HERC4: variants seen among roughly 807,000 people sequenced by gnomAD.
HERC4 encodes the protein HECT and RLD domain containing E3 ubiquitin protein ligase 4, also known as probable E3 ubiquitin-protein ligase HERC4.
Under a neutral mutation model 124.3 loss-of-function variants are expected in HERC4, and 28 were observed. The ratio of observed to expected loss-of-function variants is 0.23; its 90% confidence interval spans 0.17 to 0.31. HERC4 has a LOEUF of 0.31. Among genes scored for constraint, HERC4 ranks in the 10% least tolerant of loss-of-function variants. The pLI is 1.00. For missense variants in HERC4, 713 were observed against 1,229.3 expected, an observed-to-expected ratio of 0.58 and a Z score of 6.28; for synonymous variants, 407 against 421.5, an observed-to-expected ratio of 0.97 and a Z score of 0.42.
intron 9 of HERC4, chr10:67,994,099 T>G (rs543148117): frequency 2.0e-5 from 3 of 152,306 alleles, no homozygotes; most frequent in East Asian, 3.9e-4. Context: ...AACAATAATT[T>G]GATAATTACT....
At chr10:68,000,576 C>CA (rs34603437) in intron 9 of HERC4, among the ~76,000 whole-genome samples, 68,553 of 137,964 alleles carry the variant, frequency 0.5, 19,369 homozygotes, top group Non-Finnish European at 0.66. Flanking sequence ...CAGACTGTCT[C>CA]AAAAAAAAAA....
At chr10:67,975,630 G>T (rs1363235793) in intron 15 of HERC4, among the ~76,000 whole-genome samples, 2 of 152,116 alleles carry the variant, frequency 1.3e-5, no homozygotes, top group Non-Finnish European at 2.9e-5. Flanking sequence ...GATTACAGGC[G>T]TGAGCCACCA....
In HERC4 at chr10:68,009,622, G is replaced by C. The variant is rs190288040; in HGVS notation, c.1069+4404C>G. 1.6e-4 allele frequency among the ~76,000 whole-genome samples: 24 copies of C among 152,116 alleles called. 1 individual carries two copies. Among genetic ancestry groups the C allele is most frequent in the African/African-American group, 5.8e-4 (24 of 41,422 alleles). ...TCAGGGTGGTAATTGCTGAAGGCTG[G>C]GGTAGCTGTGGCAATTTCTTAAAAT... On this transcript the variant is annotated intron_variant, in intron 9 of 24. Transcript: ENST00000373700.
chr10:67,967,933 C>A (rs2034989034), intron 15 of HERC4, among the ~76,000 whole-genome samples: 1 of 151,132 alleles, frequency 6.6e-6, no homozygotes, highest in South Asian at 2.1e-4. Context: ...AGGAGCTATT[C>A]TAAATTAAAA....
At chr10:68,054,429 C>T (rs888029044) in intron 3 of HERC4, among the ~76,000 whole-genome samples, 16 of 151,098 alleles carry the variant, frequency 1.1e-4, no homozygotes, top group African/African-American at 2.7e-4. Flanking sequence ...TCTCAGCTCA[C>T]GGCAACCTCC....
At chr10:68,010,682 C>G in intron 9 of HERC4, 4 of 1,476,372 alleles carry the variant, frequency 2.7e-6, no homozygotes, top group Admixed American at 1.9e-5. Flanking sequence ...AGGGCCGCGC[C>G]GCTTACACAT....
At position 68,055,482 on chromosome 10, in the gene HERC4, T is replaced by A. The variant is rs78162501; in HGVS notation, c.227-10919A>T. On this transcript the variant is annotated intron_variant, in intron 3 of 24. Transcript: ENST00000373700. ...TATGTTGACAAGTTCATACCCCTTT[T>A]ATATATTTATACAGAGGAATACAAT... Among the ~76,000 whole-genome samples, 26 of 152,272 alleles carry A rather than the reference T, an allele frequency of 1.7e-4. No individual in the cohort carries two copies. In the East Asian group the frequency reaches 5.0e-3, roughly 29 times the overall value.
At chr10:67,968,100 T>A (rs965305858) in intron 15 of HERC4, among the ~76,000 whole-genome samples, 1 of 152,012 alleles carries the variant, frequency 6.6e-6, no homozygotes, top group Non-Finnish European at 1.5e-5. Flanking sequence ...GAAACAGGAA[T>A]GGACACAAGT....
chr10:67,926,414 A>G (rs921666412), intron 23 of HERC4, among the ~76,000 whole-genome samples: 2 of 148,430 alleles, frequency 1.3e-5, no homozygotes, highest in African/African-American at 5.0e-5. Context: ...AAAAATAAAA[A>G]ATAAAAAAAA....
At chr10:67,980,663 C>T (rs532857796) in intron 15 of HERC4, among the ~76,000 whole-genome samples, 3 of 152,168 alleles carry the variant, frequency 2.0e-5, no homozygotes, top group Non-Finnish European at 4.4e-5. Flanking sequence ...AGACTATAAA[C>T]AATTAACCAA....
Position 68,014,177 on chromosome 10 carries a change from A to C in HERC4, c.918T>G (p.Thr306=). ...GTCCTGATGAAGGAACAAAAGCAGA[A>C]GTGTGCTGCCTAGAGTAAAATGATA... ...VTEIACGRQH[T]SAFVPSSGRI... is the part of the protein sequence containing the mutation. The change falls in exon 9 of 25, where the codon ACT becomes ACG. Residue 306 remains threonine, a synonymous_variant. Transcript: ENST00000373700. 6.2e-7 allele frequency: 1 copy of C among 1,609,748 alleles called. No homozygotes were observed. Among genetic ancestry groups the C allele is most frequent in the Non-Finnish European group, 8.5e-7 (1 of 1,178,216 alleles).
At chr10:67,992,115 T>TC (rs1246255441) in intron 11 of HERC4, 84 bp downstream of exon 11, 29 of 1,344,052 alleles carry the variant, frequency 2.2e-5, no homozygotes, top group Non-Finnish European at 2.8e-5. Flanking sequence ...CAGGCTGGTC[T>TC]CCAATTCCTG....
intron 16 of HERC4, among the ~76,000 whole-genome samples, chr10:67,957,307 GA>G (rs1263716774): frequency 2.7e-4 from 41 of 152,238 alleles, no homozygotes; most frequent in African/African-American, 8.2e-4. Flanking sequence ...TGTTAAATGC[GA>G]TAGCCAATTC....
In HERC4 at chr10:67,957,812, A is replaced by AT. The variant is rs533406466; in HGVS notation, c.1927-837dup. Among the ~76,000 whole-genome samples the AT allele has an allele frequency of 1.1e-4, 16 of 151,398 alleles. No homozygotes were observed. The East Asian group carries it at 1.7e-3, about 17-fold the overall frequency. ...ACAGTTCTTTATAGTCTGAATCTGCATTTTTTTTTCCCCCATACAGAGTCT... is the reference window on the plus strand; with the variant it reads ...ACAGTTCTTTATAGTCTGAATCTGCATTTTTTTTTTCCCCCATACAGAGTCT... On this transcript the variant is annotated intron_variant, in intron 16 of 24. Coordinates refer to ENST00000373700, the MANE Select transcript of HERC4 (RefSeq NM_015601.4).
At chr10:68,033,543 T>G (rs1327043235) in intron 6 of HERC4, among the ~76,000 whole-genome samples, 2 of 152,212 alleles carry the variant, frequency 1.3e-5, no homozygotes, top group Non-Finnish European at 2.9e-5. Context: ...GACTTTAGCA[T>G]CAATGTTAAA....
chr10:67,981,396 T>C (rs928142177), intron 15 of HERC4, among the ~76,000 whole-genome samples: 4 of 152,114 alleles, frequency 2.6e-5, no homozygotes, highest in Non-Finnish European at 5.9e-5. Flanking sequence ...CAAATATTAT[T>C]AGAGTTAAAG....
intron 3 of HERC4, among the ~76,000 whole-genome samples, chr10:68,056,942 G>A (rs2040578982): frequency 6.6e-6 from 1 of 152,130 alleles, no homozygotes; most frequent in Non-Finnish European, 1.5e-5. Flanking sequence ...GTGAATTTAA[G>A]GTCTGAACCC....
intron 9 of HERC4, chr10:67,996,205 G>A (rs866816796): frequency 7.2e-6 from 3 of 418,384 alleles, no homozygotes; most frequent in Non-Finnish European, 9.5e-6. Flanking sequence ...CCAAGAGGTC[G>A]AGGGTGGAGT....
At chr10:67,956,631 T>C (rs1342775554) in intron 17 of HERC4, 10 of 271,602 alleles carry the variant, frequency 3.7e-5, no homozygotes, top group Non-Finnish European at 6.8e-5. Context: ...ATTTCTGTAA[T>C]GAAAGAGGCT....
Sources: allele counts gnomAD v4.1 joint callset (sites outside exome capture counted in the v4.1 genomes callset), GRCh38; gene constraint gnomAD v4.1.1; transcripts MANE v1.5; gene names NCBI Gene and HGNC (gene_info 2026-07-23, HGNC 2026-07-21).